The following DPYSL2 variants were observed in gnomAD, a reference collection of about 807,000 sequenced individuals.
The protein encoded by DPYSL2 is dihydropyrimidinase-related protein 2.
DPYSL2 carries 13 observed loss-of-function variants against 69.9 expected under a neutral mutation model. The observed-to-expected ratio is 0.19, with a 90% CI of 0.12 to 0.30. The LOEUF (loss-of-function observed/expected upper bound fraction) is 0.30, where lower values mean the gene tolerates loss of function less well. Among genes scored for constraint, DPYSL2 ranks in the 10% least tolerant of loss-of-function variants. The pLI is 1.00. For synonymous variants in DPYSL2, 326 were observed against 359.1 expected (o/e 0.91, Z 1.04); for missense variants, 587 against 918.9 (o/e 0.64, Z 4.67).
chr8:26,651,745 T>C lies in DPYSL2; in HGVS notation c.1597-512T>C, dbSNP rs975149413. ...GAAATTAACTAGCCCTCAATCATTT[T>C]ATCGGAGGCATGTCTCTTCAGTGAC... On this transcript the variant is annotated intron_variant, in intron 11 of 13. Transcript: ENST00000521913. Among the ~76,000 whole-genome samples, 12 of 152,332 alleles carry C rather than the reference T, an allele frequency of 7.9e-5. No homozygotes were observed. The East Asian group carries it at 1.7e-3, about 22-fold the overall frequency.
intron 1 of DPYSL2, among the ~76,000 whole-genome samples, chr8:26,555,747 T>A (rs1398314307): frequency 6.6e-6 from 1 of 150,396 alleles, no homozygotes; most frequent in Non-Finnish European, 1.5e-5. Context: ...ATTAGCTTGG[T>A]TGGGGGGCGT....
At chr8:26,529,290 T>C (rs1800454503) in intron 1 of DPYSL2, among the ~76,000 whole-genome samples, 1 of 151,826 alleles carries the variant, frequency 6.6e-6, no homozygotes, top group African/African-American at 2.4e-5. Flanking sequence ...TATCTATCTA[T>C]CTATCTATCT....
Position 26,654,668 on chromosome 8 carries a change from A to C in DPYSL2, c.1943-947A>C, listed in dbSNP as rs919623478. ...AATGCCAGAAGAGGGCTATGTCCTC[A>C]GAAAAGCCACAGCCAATTTGACTAA... On this transcript the variant is annotated intron_variant, in intron 13 of 13. Coordinates refer to ENST00000521913, the MANE Select transcript of DPYSL2 (RefSeq NM_001197293.3). This position sits in a 1 kb window ranked among gnomAD's most constrained non-coding sequence, Gnocchi z 5.0. Among the ~76,000 whole-genome samples, 1 of 152,206 alleles carries C rather than the reference A, an allele frequency of 6.6e-6. No homozygotes were observed. Among genetic ancestry groups the C allele is most frequent in the Non-Finnish European group, 1.5e-5 (1 of 68,046 alleles).
In DPYSL2 at chr8:26,591,576, A is replaced by G. The variant is rs779999303; in HGVS notation, c.628+7593A>G. Among the ~76,000 whole-genome samples, 3 of 151,554 alleles carry G rather than the reference A, an allele frequency of 2.0e-5. No individual in the cohort carries two copies. Among genetic ancestry groups the G allele is most frequent in the Non-Finnish European group, 4.4e-5 (3 of 67,886 alleles). On this transcript the variant is annotated intron_variant, in intron 3 of 13. Coordinates refer to ENST00000521913, the MANE Select transcript of DPYSL2 (RefSeq NM_001197293.3). The surrounding 1 kb of genome is among the most constrained non-coding windows in gnomAD (Gnocchi z 5.8). ...GAGTCTGATGGGAGCCAGACCCGTT[A>G]CTCCTTCTACTCATGATAGCTTTAG...
rs1187023935 is a variant in DPYSL2 at position 26,591,015 on chromosome 8, C to T, written c.628+7032C>T. ...CATTGTGGCAGTTATCATACTGTCC[C>T]AGGGTTTCTTGCCCCCACCTGGCCC... On this transcript the variant is annotated intron_variant, in intron 3 of 13. Transcript: ENST00000521913. The surrounding 1 kb of genome is among the most constrained non-coding windows in gnomAD (Gnocchi z 5.8). Among the ~76,000 whole-genome samples the T allele has an allele frequency of 6.6e-6, 1 of 152,180 alleles. No homozygotes were observed. Among genetic ancestry groups the T allele is most frequent in the African/African-American group, 2.4e-5 (1 of 41,454 alleles).
chr8:26,577,069 G>A (rs939012810), intron 1 of DPYSL2: 1 of 428,316 alleles, frequency 2.3e-6, no homozygotes, highest in Non-Finnish European at 4.7e-6. Context: ...GGCACAAAAG[G>A]ATGTTTCAGG....
Position 26,514,459 on chromosome 8 carries a change from C to T in DPYSL2, c.134C>T (p.Ser45Leu), listed in dbSNP as rs138024799. 17 of 1,528,558 alleles carry T rather than the reference C, an allele frequency of 1.1e-5. No individual in the cohort carries two copies. Among genetic ancestry groups the T allele is most frequent in the Non-Finnish European group, 1.5e-5 (17 of 1,144,250 alleles). The allele number at this position is 1,528,558 out of a possible 1,614,324, so 94.7% of individuals were successfully genotyped here. A position where few individuals can be genotyped will look rare whatever the true frequency, so the allele number is the denominator to read the frequency against. Residue 45 changes from serine (S) to leucine (L), a missense_variant, in exon 1 of 14, where the codon TCG becomes TTG. This residue lies in a region of DPYSL2 where 50 missense variants were observed against 86.8 expected (regional missense o/e 0.58). Transcript: ENST00000521913. The surrounding 1 kb of genome is among the most constrained non-coding windows in gnomAD (Gnocchi z 8.4). ...CGMFCPVEGS[S>L]ENKTIDFDSL... is the part of the protein sequence containing the mutation. ...ATGTTCTGCCCGGTGGAAGGGTCCTCGGAGAACAAGACCATCGACTTCGAC... is the reference window on the plus strand; with the variant it reads ...ATGTTCTGCCCGGTGGAAGGGTCCTTGGAGAACAAGACCATCGACTTCGAC...
rs943809950 is a variant in DPYSL2 at position 26,641,919 on chromosome 8, TGTG to T, written c.1127-1516_1127-1514del. ...TCAGAGTGGCCGACAGGGAGGGTGT[TGTG>T]GTGTATCATCAAGTGATAAGGCCTT... On this transcript the variant is annotated intron_variant, in intron 8 of 13. Transcript: ENST00000521913. This position sits in a 1 kb window ranked among gnomAD's most constrained non-coding sequence, Gnocchi z 4.1. Among the ~76,000 whole-genome samples, 1 of 152,032 alleles carries T rather than the reference TGTG, an allele frequency of 6.6e-6. No homozygotes were observed. Among genetic ancestry groups the T allele is most frequent in the African/African-American group, 2.4e-5 (1 of 41,394 alleles).
At position 26,653,133 on chromosome 8, in the gene DPYSL2, T is replaced by A; in HGVS notation, c.1777-99T>A. ...ACCTGTCTGTAAGGAGAGCCCTCCA[T>A]CCCTAGATCTCACAGGCCCATCCTC... On this transcript the variant is annotated intron_variant, in intron 12 of 13. Transcript: ENST00000521913. This position sits in a 1 kb window ranked among gnomAD's most constrained non-coding sequence, Gnocchi z 5.7. 2 of 1,413,664 alleles carry A rather than the reference T, an allele frequency of 1.4e-6. No individual in the cohort carries two copies. The highest frequency in any genetic ancestry group is 1.9e-6 in the Non-Finnish European group (2 of 1,037,180). 87.6% of individuals were successfully genotyped at this position (1,413,664 alleles called of 1,614,324 possible).
chr8:26,558,477 G>A (rs1382561880), intron 1 of DPYSL2, among the ~76,000 whole-genome samples: 1 of 152,118 alleles, frequency 6.6e-6, no homozygotes. Flanking sequence ...GGATTTTTAG[G>A]ACAGTGAAAC....
rs1240015427 is a variant in DPYSL2 at position 26,620,940 on chromosome 8, A to C, written c.629-3203A>C. Among the ~76,000 whole-genome samples the C allele has an allele frequency of 1.3e-5, 2 of 152,208 alleles. No individual in the cohort carries two copies. Among genetic ancestry groups the C allele is most frequent in the Non-Finnish European group, 2.9e-5 (2 of 68,030 alleles). On this transcript the variant is annotated intron_variant, in intron 3 of 13. Coordinates refer to ENST00000521913, the MANE Select transcript of DPYSL2 (RefSeq NM_001197293.3). This position sits in a 1 kb window ranked among gnomAD's most constrained non-coding sequence, Gnocchi z 4.5. ...CACACTTGCATCCACATCTACATAC[A>C]CATATTTTACATACACATATACACA...
rs1193098684 is a variant in DPYSL2 at position 26,622,470 on chromosome 8, G to GTA, written c.629-1672_629-1671insAT. On this transcript the variant is annotated intron_variant, in intron 3 of 13. Coordinates refer to ENST00000521913, the MANE Select transcript of DPYSL2 (RefSeq NM_001197293.3). Reference sequence around the variant, plus strand: ...TGTATGTGTGTGTGTGTGTGTGTGTGTGTATATGTGTGTGTGTGTGTGTGT... The same window carrying GTA: ...TGTATGTGTGTGTGTGTGTGTGTGTGTATGTATATGTGTGTGTGTGTGTGTGT... Among the ~76,000 whole-genome samples the GTA allele has an allele frequency of 4.0e-3, 391 of 97,050 alleles. 1 individual carries two copies. The highest frequency in any genetic ancestry group is 0.013 in the African/African-American group (374 of 27,952). The allele number at this position is 97,050 out of a possible 152,430, so 63.7% of individuals were successfully genotyped here.
intron 1 of DPYSL2, among the ~76,000 whole-genome samples, chr8:26,525,016 T>C (rs1353783844): frequency 2.0e-5 from 3 of 152,118 alleles, no homozygotes; most frequent in South Asian, 2.1e-4. Flanking sequence ...CATTTTAATG[T>C]CATCTGCTAC....
Position 26,580,557 on chromosome 8 carries a change from T to C in DPYSL2, c.355-1412T>C. On this transcript the variant is annotated intron_variant, in intron 1 of 13. Transcript: ENST00000521913. The surrounding 1 kb of genome is among the most constrained non-coding windows in gnomAD (Gnocchi z 4.1). The stretch of plus-strand genomic sequence containing the variant: ...ATGATCTTATTGGTTTTCAGTATGT[T>C]AGAGAGACAATAAATACTTTCTGAA... Among the ~76,000 whole-genome samples, 1 of 152,244 alleles carries C rather than the reference T, an allele frequency of 6.6e-6. No homozygotes were observed. Among genetic ancestry groups the C allele is most frequent in the East Asian group, 1.9e-4 (1 of 5,208 alleles).
chr8:26,523,954 G>A (rs1484790150), intron 1 of DPYSL2, among the ~76,000 whole-genome samples: 1 of 152,160 alleles, frequency 6.6e-6, no homozygotes, highest in Non-Finnish European at 1.5e-5. Flanking sequence ...CCATCTTTTA[G>A]TTCTTGTGAA....
In DPYSL2 at chr8:26,620,110, A is replaced by T. The variant is rs1802447608; in HGVS notation, c.629-4033A>T. On this transcript the variant is annotated intron_variant, in intron 3 of 13. Transcript: ENST00000521913. This position sits in a 1 kb window ranked among gnomAD's most constrained non-coding sequence, Gnocchi z 4.5. ...GAATGGGGAGTGACTGCAGGTGGGT[A>T]CAGCCTTTCTTTTTTGGTGATGTTC... 6.6e-6 allele frequency: 1 copy of T among 151,542 alleles called. No individual in the cohort carries two copies. The highest frequency in any genetic ancestry group is 2.1e-4 in the South Asian group (1 of 4,812). The allele number at this position is 151,542 out of a possible 1,614,324, so 9.4% of individuals were successfully genotyped here.
intron 1 of DPYSL2, among the ~76,000 whole-genome samples, chr8:26,539,233 T>C (rs1435200189): frequency 6.6e-6 from 1 of 152,234 alleles, no homozygotes; most frequent in Non-Finnish European, 1.5e-5. Context: ...CAATCTGAAC[T>C]AATTTAGCTT....
At position 26,580,841 on chromosome 8, in the gene DPYSL2, G is replaced by A. The variant is rs1318484887; in HGVS notation, c.355-1128G>A. 6.6e-6 allele frequency among the ~76,000 whole-genome samples: 1 copy of A among 152,276 alleles called. No homozygotes were observed. The highest frequency in any genetic ancestry group is 1.9e-4 in the East Asian group (1 of 5,186). ...TTTAAGCCCATTCTGTATAATACAG[G>A]TGCATATTTACTGAACACTCGATGC... On this transcript the variant is annotated intron_variant, in intron 1 of 13. Coordinates refer to ENST00000521913, the MANE Select transcript of DPYSL2 (RefSeq NM_001197293.3). The surrounding 1 kb of genome is among the most constrained non-coding windows in gnomAD (Gnocchi z 4.1).
In DPYSL2 at chr8:26,610,533, A is replaced by C. The variant is rs1802200993; in HGVS notation, c.629-13610A>C. 6.6e-6 allele frequency among the ~76,000 whole-genome samples: 1 copy of C among 152,066 alleles called. No individual in the cohort carries two copies. Among genetic ancestry groups the C allele is most frequent in the Non-Finnish European group, 1.5e-5 (1 of 68,020 alleles). On this transcript the variant is annotated intron_variant, in intron 3 of 13. Transcript: ENST00000521913. The surrounding 1 kb of genome is among the most constrained non-coding windows in gnomAD (Gnocchi z 4.5). ...GTATGCAGTTTCATGCAGAAGACTTAGCTAGATGAGTGACTCAAAGTTCCA... is the reference window on the plus strand; with the variant it reads ...GTATGCAGTTTCATGCAGAAGACTTCGCTAGATGAGTGACTCAAAGTTCCA...
Sources: gnomAD v4.1 joint callset for allele counts (sites outside exome capture counted in the v4.1 genomes callset) on GRCh38, gnomAD v4.1.1 for gene constraint, gnomAD v4.1.1 regional missense constraint, Gnocchi (gnomAD v3.1) non-coding constraint, MANE v1.5 for transcripts, NCBI Gene and HGNC (gene_info 2026-07-23, HGNC 2026-07-21) for gene names.